Variants in FAM149A observed in about 807,000 individuals in gnomAD.
FAM149A encodes the protein protein FAM149A.
Under a neutral mutation model 78.2 loss-of-function variants are expected in FAM149A, and 71 were observed. That is an observed-to-expected ratio of 0.91 (90% CI 0.75 to 1.11). The LOEUF (loss-of-function observed/expected upper bound fraction) is 1.11. Ranked by LOEUF, FAM149A falls within the 50% of genes least tolerant of loss-of-function variation. The pLI is 0.00. For missense variants in FAM149A, 1,036 were observed against 971.0 expected (o/e 1.07, Z -0.89); for synonymous variants, 446 against 410.5 (o/e 1.09, Z -1.04).
In FAM149A at chr4:186,156,113, T is replaced by C. The variant is rs556222486; in HGVS notation, c.1343T>C (p.Val448Ala). The C allele has an allele frequency of 4.3e-6, 7 of 1,613,978 alleles. No individual in the cohort carries two copies. In the East Asian group the frequency reaches 8.9e-5, roughly 21 times the overall value. The change falls in exon 7 of 14, where the codon GTG (valine) becomes GCG (alanine). Residue 448 changes from valine to alanine, a missense_variant. Val to Ala is a moderately conservative substitution (Grantham distance 64). Coordinates refer to ENST00000389354, the MANE Select transcript of FAM149A (RefSeq NM_001367768.3). ...GTCAAAGATGCCGTGGCAGCAGAAGTGTTTGATCACGTCTGGACAAATATG... is the reference window on the plus strand; with the variant it reads ...GTCAAAGATGCCGTGGCAGCAGAAGCGTTTGATCACGTCTGGACAAATATG...
chr4:186,157,946 G>T (rs750624517), intron 8 of FAM149A: 1 of 1,525,988 alleles, frequency 6.6e-7, no homozygotes. Context: ...ATGTGCTCAA[G>T]TTCCTTGCGG....
At chr4:186,107,520 G>C (rs763751230) in intron 1 of FAM149A, 2 of 152,234 alleles carry the variant, frequency 1.3e-5, no homozygotes, top group Admixed American at 1.3e-4. Context: ...CCAGGCTCAA[G>C]CGATCTGATT....
intron 1 of FAM149A, among the ~76,000 whole-genome samples, chr4:186,111,713 C>T (rs368453717): frequency 0.013 from 1,993 of 150,080 alleles, 42 homozygotes; most frequent in African/African-American, 0.047. Flanking sequence ...TGTAGATATG[C>T]GGCATTATTT....
At chr4:186,132,383 C>T (rs2099321094) in intron 1 of FAM149A, 1 of 253,076 alleles carries the variant, frequency 4.0e-6, no homozygotes, top group Admixed American at 6.5e-5. Context: ...AGAAACAGAC[C>T]TATTTGTCTA....
intron 5 of FAM149A, 23 bp downstream of exon 5, chr4:186,153,793 C>CA: frequency 6.3e-7 from 1 of 1,575,358 alleles, no homozygotes; most frequent in East Asian, 2.3e-5. Context: ...AAGTGACTCT[C>CA]AAAAAGTATT....
intron 1 of FAM149A, among the ~76,000 whole-genome samples, chr4:186,141,188 GTTGT>G (rs1378997863): frequency 9.9e-5 from 15 of 152,082 alleles, no homozygotes; most frequent in African/African-American, 3.4e-4. Flanking sequence ...TTGTTTATGG[GTTGT>G]TTTTTTCTTG....
At position 186,167,066 on chromosome 4, in the gene FAM149A, G is replaced by T. The variant is rs759549686; in HGVS notation, c.2109G>T (p.Leu703Phe). The T allele has an allele frequency of 1.2e-6, 2 of 1,614,186 alleles. No homozygotes were observed. The highest frequency in any genetic ancestry group is 8.5e-7 in the Non-Finnish European group (1 of 1,180,022). Residue 703 changes from leucine (L) to phenylalanine (F), a missense_variant, in exon 12 of 14, where the codon TTG (leucine) becomes TTT (phenylalanine). By Grantham distance (22) the Leu-to-Phe change is conservative. Coordinates refer to ENST00000389354, the MANE Select transcript of FAM149A (RefSeq NM_001367768.3). ...AAAGAACAGCCACCCTGGAACGGTT[G>T]TCAAGGCCCAGCACAACCCACACGT...
chr4:186,139,544 C>T (rs564248536), intron 1 of FAM149A, among the ~76,000 whole-genome samples: 2 of 152,248 alleles, frequency 1.3e-5, no homozygotes, highest in South Asian at 4.1e-4. Flanking sequence ...GGAGCCGGCA[C>T]CAGACACTGA....
At chr4:186,136,982 C>CTCTCTCTCTT (rs2099323381) in intron 1 of FAM149A, among the ~76,000 whole-genome samples, 1 of 120,282 alleles carries the variant, frequency 8.3e-6, no homozygotes, top group African/African-American at 3.2e-5. Flanking sequence ...CTCTTTCTCT[C>CTCTCTCTCTT]TCTCTCTCTC....
At position 186,149,031 on chromosome 4, in the gene FAM149A, T is replaced by TGTGTGTGTGCGC. The variant is rs776191178; in HGVS notation, c.567-141_567-140insTGTGTGTGCGCG. ...GTGTGTGTGTGTGTGTGTGTGTGTG[T>TGTGTGTGTGCGC]GCGCTCATGCACAGGTGGGTTTGGA... On this transcript the variant is annotated intron_variant, in intron 1 of 13. Transcript: ENST00000389354. 2.1e-3 allele frequency: 716 copies of TGTGTGTGTGCGC among 339,754 alleles called. 6 individuals are homozygous for TGTGTGTGTGCGC. Among genetic ancestry groups the TGTGTGTGTGCGC allele is most frequent in the African/African-American group, 0.015 (665 of 43,976 alleles). 21.0% of individuals were successfully genotyped at this position (339,754 alleles called of 1,614,324 possible).
intron 1 of FAM149A, among the ~76,000 whole-genome samples, chr4:186,122,131 T>C (rs2099316341): frequency 2.0e-5 from 3 of 152,234 alleles, no homozygotes; most frequent in Admixed American, 6.5e-5. Flanking sequence ...AAAGATGTTA[T>C]GAAGAAGTCT....
At position 186,105,054 on chromosome 4, in the gene FAM149A, G is replaced by A; in HGVS notation, c.-23G>A. On this transcript the variant is annotated 5_prime_UTR_variant, in exon 1 of 14. Coordinates refer to ENST00000389354, the MANE Select transcript of FAM149A (RefSeq NM_001367768.3). ...GTCTGAACTCTCGGGCGGCGGCGAG[G>A]ACGGCGTGTCCACTGTCGAGGCATG... 7.9e-7 allele frequency: 1 copy of A among 1,265,770 alleles called. No individual in the cohort carries two copies. The allele number at this position is 1,265,770 out of a possible 1,614,324, so 78.4% of individuals were successfully genotyped here.
At chr4:186,157,318 T>G (rs1201005559) in intron 7 of FAM149A, among the ~76,000 whole-genome samples, 1 of 152,192 alleles carries the variant, frequency 6.6e-6, no homozygotes, top group Non-Finnish European at 1.5e-5. Flanking sequence ...AGGAATTAGT[T>G]GGGCTTTATC....
At chr4:186,123,771 T>C in intron 1 of FAM149A, 1 of 910,556 alleles carries the variant, frequency 1.1e-6, no homozygotes, top group Non-Finnish European at 1.3e-6. Context: ...TGTGACAAAC[T>C]AATGTGCTGG....
chr4:186,169,878 TAGAAGAG>T, intron 13 of FAM149A: 1 of 985,482 alleles, frequency 1.0e-6, no homozygotes, highest in Non-Finnish European at 1.2e-6. Flanking sequence ...AAAGAGCTAT[TAGAAGAG>T]AGAATGCAGC....
intron 1 of FAM149A, among the ~76,000 whole-genome samples, chr4:186,137,812 C>A (rs2099324123): frequency 6.6e-6 from 1 of 151,696 alleles, no homozygotes; most frequent in African/African-American, 2.4e-5. Context: ...TCATTTAAAA[C>A]AATGTACTTA....
At chr4:186,143,179 CAA>C (rs1446388646) in intron 1 of FAM149A, among the ~76,000 whole-genome samples, 1 of 97,862 alleles carries the variant, frequency 1.0e-5, no homozygotes, top group Non-Finnish European at 2.0e-5. Flanking sequence ...TTTTTTGAGA[CAA>C]GAGTCTTGCT....
In FAM149A at chr4:186,163,642, C is replaced by T. The variant is rs927852521; in HGVS notation, c.1889+9C>T. On this transcript the variant is annotated intron_variant, in intron 10 of 13. Transcript: ENST00000389354. ...CTTCGGGGAACAAAACTGTGAGTCT[C>T]ATTTCTTTCATAGTAAACTAAAGGC... 1.2e-6 allele frequency: 2 copies of T among 1,604,910 alleles called. No homozygotes were observed. Among genetic ancestry groups the T allele is most frequent in the Non-Finnish European group, 1.7e-6 (2 of 1,172,910 alleles).
chr4:186,164,881 T>A lies in FAM149A; in HGVS notation c.1890-463T>A, dbSNP rs1734902718. 6.6e-6 allele frequency among the ~76,000 whole-genome samples: 1 copy of A among 152,142 alleles called. No homozygotes were observed. The highest frequency in any genetic ancestry group is 1.5e-5 in the Non-Finnish European group (1 of 68,022). ...CCTGAGGAGCCCTTTTCGACCATTC[T>A]TCCCAATTGCTCTCCCTACACATGG... On this transcript the variant is annotated intron_variant, in intron 10 of 13. Transcript: ENST00000389354. This position sits in a 1 kb window ranked among gnomAD's most constrained non-coding sequence, Gnocchi z 4.0.
Sources: allele counts gnomAD v4.1 joint callset (sites outside exome capture counted in the v4.1 genomes callset), GRCh38; gene constraint gnomAD v4.1.1; non-coding constraint Gnocchi (gnomAD v3.1); transcripts MANE v1.5; gene names NCBI Gene and HGNC (gene_info 2026-07-23, HGNC 2026-07-21).